Variants in ZDHHC9 observed in about 807,000 individuals in gnomAD.
The protein encoded by ZDHHC9 is zDHHC palmitoyltransferase 9.
ZDHHC9 carries 3 observed loss-of-function variants against 26.6 expected under a neutral mutation model. That is an observed-to-expected ratio of 0.11 (90% confidence interval 0.05 to 0.29). The LOEUF (loss-of-function observed/expected upper bound fraction) is 0.29, where lower values mean the gene tolerates loss of function less well. Ranked by LOEUF, ZDHHC9 falls within the 10% of genes least tolerant of loss-of-function variation. ZDHHC9 has a pLI of 1.00. For synonymous variants in ZDHHC9, 111 were observed against 109.4 expected (o/e 1.01, Z -0.09); for missense variants, 146 against 296.4 (o/e 0.49, Z 3.73).
intron 5 of ZDHHC9, among the ~76,000 whole-genome samples, chrX:129,820,033 A>T (rs1171978804): frequency 9.0e-6 from 1 of 111,312 alleles, no homozygotes; most frequent in Non-Finnish European, 1.9e-5. Flanking sequence ...TTGGTAGACA[A>T]TTAGGTTCTT....
At chrX:129,828,788 A>C (rs777121999) in intron 4 of ZDHHC9, among the ~76,000 whole-genome samples, 193 bp downstream of exon 4, 1 of 112,137 alleles carries the variant, frequency 8.9e-6, no homozygotes, top group African/African-American at 3.2e-5. Flanking sequence ...AGTGAAGGAC[A>C]AAGTCTATGA....
chrX:129,835,270 G>C (rs1293799122), intron 3 of ZDHHC9, among the ~76,000 whole-genome samples: 1 of 107,742 alleles, frequency 9.3e-6, no homozygotes, highest in East Asian at 2.9e-4. Context: ...AAGATGGTGA[G>C]ATCCTGTCTC....
In ZDHHC9 at chrX:129,816,981, C is replaced by T. The variant is rs751139377; in HGVS notation, c.488-2186G>A. Among the ~76,000 whole-genome samples the T allele has an allele frequency of 1.2e-3, 136 of 110,874 alleles. 1 individual carries two copies. Among genetic ancestry groups the T allele is most frequent in the Non-Finnish European group, 1.6e-3 (85 of 52,900 alleles). ...CACTGCAACCTCCACCTCCCAGGTT[C>T]AAGCCTCATCAGCTGCCCGAGTAGC... On this transcript the variant is annotated intron_variant, in intron 5 of 10. Transcript: ENST00000357166.
In ZDHHC9 at chrX:129,814,704, G is replaced by A. The variant is rs748827100; in HGVS notation, c.579C>T (p.Leu193=). ...TGAAGGCGAAGACATAGATTGTGAG[G>A]AGGGAGAGAGAAAGGATGAAGAGGT... ...YFYLFILSLS[L]LTIYVFAFNI... Residue 193 remains leucine (L), a synonymous_variant, in exon 6 of 11, where the codon CTC becomes CTT. Transcript: ENST00000357166. 5 of 1,211,187 alleles carry A rather than the reference G, an allele frequency of 4.1e-6. No individual in the cohort carries two copies. The African/African-American group carries it at 6.9e-5, about 17-fold the overall frequency.
rs1361289427 is a variant in ZDHHC9 at position 129,812,771 on chromosome X, G to A, written c.724C>T (p.Leu242=). Residue 242 remains leucine (L), a synonymous_variant, in exon 8 of 11, where the codon CTG becomes TTG. Coordinates refer to ENST00000357166, the MANE Select transcript of ZDHHC9 (RefSeq NM_016032.4). The stretch of plus-strand genomic sequence containing the variant: ...ACGAGGAAAGTATGAAATCCAGTCA[G>A]TCCCACGACGGACCAGAGTGTAAAG... ...CFFTLWSVVG[L]TGFHTFLVAL... is the part of the protein sequence containing the mutation. The A allele has an allele frequency of 8.3e-7, 1 of 1,211,222 alleles. No individual in the cohort carries two copies. The highest frequency in any genetic ancestry group is 1.1e-6 in the Non-Finnish European group (1 of 895,132).
chrX:129,830,348 A>C (rs1037542198), intron 3 of ZDHHC9, among the ~76,000 whole-genome samples: 1 of 111,763 alleles, frequency 8.9e-6, no homozygotes, highest in Non-Finnish European at 1.9e-5. Context: ...CATTGTGTGG[A>C]TCAAACGCAC....
chrX:129,819,388 G>A (rs746662534), intron 5 of ZDHHC9, among the ~76,000 whole-genome samples: 1 of 109,283 alleles, frequency 9.2e-6, no homozygotes, highest in East Asian at 2.8e-4. Flanking sequence ...GATAATACAA[G>A]TAATACATGC....
intron 3 of ZDHHC9, among the ~76,000 whole-genome samples, chrX:129,841,260 C>T (rs188906395): frequency 1.9e-4 from 21 of 112,200 alleles, no homozygotes; most frequent in African/African-American, 5.8e-4. Flanking sequence ...CTAATAAGCA[C>T]GTATGTGCCA....
chrX:129,819,810 C>T (rs1927842223), intron 5 of ZDHHC9, among the ~76,000 whole-genome samples: 1 of 110,795 alleles, frequency 9.0e-6, no homozygotes, highest in Admixed American at 9.6e-5. Context: ...ATTCTCATGC[C>T]TCAGCCAGGG....
chrX:129,829,185 T>C (rs1270337974), intron 3 of ZDHHC9, 44 bp from the exon 4 acceptor site: 1 of 1,183,929 alleles, frequency 8.4e-7, no homozygotes, highest in Non-Finnish European at 1.1e-6. Flanking sequence ...ACCTACCCTA[T>C]ATTGATCTCC....
At position 129,842,942 on chromosome X, in the gene ZDHHC9, C is replaced by T. The variant is rs148372085; in HGVS notation, c.-136+317G>A. Among the ~76,000 whole-genome samples, 727 of 112,412 alleles carry T rather than the reference C, an allele frequency of 6.5e-3. 3 individuals carry two copies. The highest frequency in any genetic ancestry group is 9.6e-3 in the Non-Finnish European group (509 of 53,198). On this transcript the variant is annotated intron_variant, in intron 2 of 10. Coordinates refer to ENST00000357166, the MANE Select transcript of ZDHHC9 (RefSeq NM_016032.4). ...AAAGTCACAAGGGCGCTTTCTGGGA[C>T]ATGTCCTAAGTACCATCTCTACTCA...
intron 3 of ZDHHC9, among the ~76,000 whole-genome samples, chrX:129,840,315 G>C (rs1928351606): frequency 1.8e-5 from 2 of 110,987 alleles, no homozygotes; most frequent in Admixed American, 1.9e-4. Context: ...AAGAGAAAAA[G>C]AGAGGAAGAA....
At chrX:129,814,561 A>G (rs1927715831) in intron 6 of ZDHHC9, 97 bp downstream of exon 6, 2 of 1,137,204 alleles carry the variant, frequency 1.8e-6, no homozygotes, top group Admixed American at 2.2e-5. Context: ...ACCTTTCACA[A>G]TGGTACCACC....
chrX:129,814,798 G>A lies in ZDHHC9; in HGVS notation c.488-3C>T, dbSNP rs1400271054. ...GGGGCAGTGATGGTCGAAGCGCTCT[G>A]TGGGAGAAAGAGAGAGTCCAAAGCC... On this transcript the variant is annotated splice_polypyrimidine_tract_variant and splice_region_variant and intron_variant, in intron 5 of 10. Transcript: ENST00000357166. 2 of 1,209,254 alleles carry A rather than the reference G, an allele frequency of 1.7e-6. No individual in the cohort carries two copies. Among genetic ancestry groups the A allele is most frequent in the East Asian group, 3.0e-5 (1 of 33,754 alleles).
intron 4 of ZDHHC9, among the ~76,000 whole-genome samples, chrX:129,825,009 A>G (rs905919728): frequency 8.9e-6 from 1 of 112,538 alleles, no homozygotes; most frequent in Admixed American, 9.4e-5. Context: ...ATTTTGGAAA[A>G]AAACAGAATA....
At chrX:129,821,364 C>T (rs1296197202) in intron 5 of ZDHHC9, among the ~76,000 whole-genome samples, 1 of 105,102 alleles carries the variant, frequency 9.5e-6, no homozygotes, top group Non-Finnish European at 1.9e-5. Context: ...GCGATCTTGG[C>T]TCACTACAAC....
chrX:129,813,576 T>C, intron 7 of ZDHHC9, 101 bp downstream of exon 7: 1 of 890,711 alleles, frequency 1.1e-6, no homozygotes, highest in African/African-American at 2.0e-5. Flanking sequence ...TGGCACTCTC[T>C]GATATCTGAA....
chrX:129,822,336 A>G (rs192529513), intron 5 of ZDHHC9, among the ~76,000 whole-genome samples: 1,293 of 110,187 alleles, frequency 0.012, 22 homozygotes, highest in African/African-American at 0.041. Context: ...CATCATTCTC[A>G]GCAAACTAAC....
chrX:129,814,236 TC>T (rs1927708592), intron 6 of ZDHHC9, among the ~76,000 whole-genome samples: 1 of 111,585 alleles, frequency 9.0e-6, no homozygotes, highest in Admixed American at 9.5e-5. Flanking sequence ...GCTTTCTATC[TC>T]CCAAACTAGA....
Sources: allele counts gnomAD v4.1 joint callset (sites outside exome capture counted in the v4.1 genomes callset), GRCh38; gene constraint gnomAD v4.1.1; transcripts MANE v1.5; gene names NCBI Gene and HGNC (gene_info 2026-07-23, HGNC 2026-07-21).